AKAP19: variants seen among roughly 807,000 people sequenced by gnomAD.
AKAP19 encodes the protein small A-kinase anchoring protein.
At chr2:189,997,799 C>T in the AKAP19 span, among the ~76,000 whole-genome samples, 3 of 152,274 alleles carry the variant, frequency 2.0e-5, no homozygotes, top group South Asian at 2.1e-4. Flanking sequence ...CTGTTTGCCC[C>T]GCTAAATTCT....
the AKAP19 span, among the ~76,000 whole-genome samples, chr2:190,047,458 A>T: frequency 6.6e-5 from 10 of 152,212 alleles, no homozygotes; most frequent in Non-Finnish European, 1.3e-4. Context: ...AAGGATCCAC[A>T]TAGTTGTCAG....
chr2:190,038,032 A>T, the AKAP19 span, among the ~76,000 whole-genome samples: 1 of 152,130 alleles, frequency 6.6e-6, no homozygotes, highest in African/African-American at 2.4e-5. Flanking sequence ...CAGAAGAATG[A>T]TGTGGCCCTC....
chr2:190,042,782 T>C, the AKAP19 span, among the ~76,000 whole-genome samples: 1 of 152,212 alleles, frequency 6.6e-6, no homozygotes. Context: ...CACTGGTCTG[T>C]GTATGACACT....
At chr2:189,972,059 T>G in the AKAP19 span, among the ~76,000 whole-genome samples, 1 of 152,186 alleles carries the variant, frequency 6.6e-6, no homozygotes, top group Admixed American at 6.5e-5. Flanking sequence ...CCTTGCCCAT[T>G]CCTATGTCCT....
chr2:190,166,268 C>G, the AKAP19 span, among the ~76,000 whole-genome samples: 1 of 138,426 alleles, frequency 7.2e-6, no homozygotes. Flanking sequence ...ATTGACCCAG[C>G]AAGTGTGAAA....
At chr2:190,015,816 G>T in the AKAP19 span, among the ~76,000 whole-genome samples, 27 of 152,150 alleles carry the variant, frequency 1.8e-4, no homozygotes, top group Non-Finnish European at 4.0e-4. Flanking sequence ...CTGCTTAGAA[G>T]TTTATTCCGC....
At chr2:190,062,684 T>G in the AKAP19 span, 2 of 1,275,422 alleles carry the variant, frequency 1.6e-6, no homozygotes, top group South Asian at 2.6e-5. Flanking sequence ...AGCAAAATTT[T>G]AATGCATGTA....
the AKAP19 span, among the ~76,000 whole-genome samples, chr2:190,038,947 T>TTCC: frequency 6.8e-6 from 1 of 146,256 alleles, no homozygotes; most frequent in African/African-American, 2.7e-5. Context: ...CTTCTTCTTC[T>TTCC]TCTTCTTCTT....
chr2:190,112,622 A>G, the AKAP19 span, among the ~76,000 whole-genome samples: 2 of 152,046 alleles, frequency 1.3e-5, no homozygotes, highest in Admixed American at 6.5e-5. Context: ...AACATTATCA[A>G]ATTCTTCTTC....
the AKAP19 span, among the ~76,000 whole-genome samples, chr2:190,025,537 G>A: frequency 4.6e-5 from 7 of 152,130 alleles, no homozygotes; most frequent in African/African-American, 1.7e-4. Flanking sequence ...TCCTAAAAAA[G>A]CACCTCATGC....
the AKAP19 span, among the ~76,000 whole-genome samples, chr2:189,934,799 C>G: frequency 6.6e-6 from 1 of 151,448 alleles, no homozygotes; most frequent in East Asian, 1.9e-4. Context: ...CAATTCAAGT[C>G]TTTCTTAAAG....
the AKAP19 span, among the ~76,000 whole-genome samples, chr2:190,014,531 A>T: frequency 6.6e-6 from 1 of 152,184 alleles, no homozygotes; most frequent in Non-Finnish European, 1.5e-5. Context: ...TCAAGATGAC[A>T]TTTGGGTGCA....
chr2:189,938,284 C>T, the AKAP19 span, among the ~76,000 whole-genome samples: 7 of 149,536 alleles, frequency 4.7e-5, no homozygotes, highest in East Asian at 7.8e-4. Flanking sequence ...TGCTGTGAGC[C>T]GAGATCATGC....
chr2:189,917,296 C>G, the AKAP19 span: 1 of 1,412,636 alleles, frequency 7.1e-7, no homozygotes, highest in East Asian at 2.4e-5. Flanking sequence ...TCTTCATGGT[C>G]CTCCATCTGT....
the AKAP19 span, among the ~76,000 whole-genome samples, chr2:190,038,937 CTTCT>C: frequency 4.1e-4 from 58 of 141,902 alleles, 1 homozygote; most frequent in African/African-American, 1.6e-3. Flanking sequence ...TCTTCTTCTT[CTTCT>C]TCTTCTTCTT....
chr2:190,146,863 C>T, the AKAP19 span, among the ~76,000 whole-genome samples: 1 of 151,888 alleles, frequency 6.6e-6, no homozygotes, highest in Non-Finnish European at 1.5e-5. Flanking sequence ...TTTTTTCTTA[C>T]TGATTTGTTT....
chr2:190,014,642 C>T, the AKAP19 span, among the ~76,000 whole-genome samples: 1 of 147,014 alleles, frequency 6.8e-6, no homozygotes, highest in Non-Finnish European at 1.5e-5. Flanking sequence ...CTCAAATGTC[C>T]TTTTTTTTTT....
the AKAP19 span, among the ~76,000 whole-genome samples, chr2:189,964,294 T>A: frequency 6.6e-6 from 1 of 152,182 alleles, no homozygotes; most frequent in Non-Finnish European, 1.5e-5. Flanking sequence ...TAACCCATGC[T>A]CTAAACAGAT....
the AKAP19 span, among the ~76,000 whole-genome samples, chr2:190,111,259 G>A: frequency 6.6e-6 from 1 of 152,118 alleles, no homozygotes; most frequent in Non-Finnish European, 1.5e-5. Context: ...AACAAAACTT[G>A]TGTTGGAACA....
Sources: allele counts gnomAD v4.1 joint callset (sites outside exome capture counted in the v4.1 genomes callset), GRCh38; gene constraint gnomAD v4.1.1; transcripts MANE v1.5; gene names NCBI Gene and HGNC (gene_info 2026-07-23, HGNC 2026-07-21).